The following RSPH14 variants were observed in gnomAD, a reference collection of about 807,000 sequenced individuals.
RSPH14 encodes the protein rhabdoid tumor deletion region gene 1.
A neutral mutation model predicts 26.7 loss-of-function variants in RSPH14; 20 were observed. That is an observed-to-expected ratio of 0.75 (90% CI 0.53 to 1.09). RSPH14 has a LOEUF of 1.09. Ranked by LOEUF, RSPH14 falls within the 50% of genes least tolerant of loss-of-function variation. The pLI is 0.00. For synonymous variants in RSPH14, 177 were observed against 189.3 expected, an observed-to-expected ratio of 0.93 and a Z score of 0.53; for missense variants, 449 against 457.2, an observed-to-expected ratio of 0.98 and a Z score of 0.16.
At chr22:23,109,924 G>C (rs955544995) in intron 4 of RSPH14, among the ~76,000 whole-genome samples, 2 of 152,214 alleles carry the variant, frequency 1.3e-5, no homozygotes, top group African/African-American at 4.8e-5. Flanking sequence ...GCCCTGTGCT[G>C]TCCCCGCAGA....
chr22:23,063,995 A>C lies in RSPH14; in HGVS notation c.560T>G (p.Leu187Arg). ...CAGGACAAGCACCACATTGCTGCCC[A>C]GGGCCTCGGTGGCATCCTCCTGCAG... Reference protein sequence around the residue: ...LCLQEDATEALGSNVVLVLKQ... With the variant: ...LCLQEDATEARGSNVVLVLKQ... The change falls in exon 5 of 7, where the codon CTG becomes CGG. Residue 187 changes from leucine to arginine, a missense_variant. Physicochemically the swap from Leu to Arg is moderately radical, Grantham distance 102. Coordinates refer to ENST00000216036, the MANE Select transcript of RSPH14 (RefSeq NM_014433.3). 1 of 1,614,166 alleles carries C rather than the reference A, an allele frequency of 6.2e-7. No individual in the cohort carries two copies. The highest frequency in any genetic ancestry group is 8.5e-7 in the Non-Finnish European group (1 of 1,180,000).
the RSPH14 span, chr22:23,150,268 C>A: frequency 7.4e-6 from 6 of 808,858 alleles, no homozygotes; most frequent in Non-Finnish European, 1.0e-5. Flanking sequence ...CAGCCCTGTA[C>A]AGGCCTGAAG....
intron 4 of RSPH14, among the ~76,000 whole-genome samples, chr22:23,098,671 C>CT (rs1365551735): frequency 6.6e-6 from 1 of 152,274 alleles, no homozygotes; most frequent in East Asian, 1.9e-4. Flanking sequence ...CCAAGCGAGG[C>CT]TGGAAATTCA....
intron 6 of RSPH14, among the ~76,000 whole-genome samples, chr22:23,061,059 C>T (rs1669076400): frequency 6.6e-6 from 1 of 152,162 alleles, no homozygotes; most frequent in Non-Finnish European, 1.5e-5. Flanking sequence ...CCCAACCTCT[C>T]CCATCTGCAT....
intron 4 of RSPH14, among the ~76,000 whole-genome samples, chr22:23,109,997 G>C (rs1445209871): frequency 6.6e-6 from 1 of 152,228 alleles, no homozygotes; most frequent in Admixed American, 6.5e-5. Context: ...TCTCCAATCT[G>C]TCAAGGTAGC....
At chr22:23,178,869 G>GA in the RSPH14 span, among the ~76,000 whole-genome samples, 1 of 152,242 alleles carries the variant, frequency 6.6e-6, no homozygotes, top group Non-Finnish European at 1.5e-5. Flanking sequence ...AGCAGGGAGT[G>GA]AAACAAAATC....
At chr22:23,159,482 G>A in the RSPH14 span, among the ~76,000 whole-genome samples, 2 of 152,230 alleles carry the variant, frequency 1.3e-5, no homozygotes, top group African/African-American at 4.8e-5. Flanking sequence ...CCTCACGGAT[G>A]GGGGAATAGT....
chr22:23,093,716 G>C (rs1366384282), intron 4 of RSPH14, among the ~76,000 whole-genome samples: 1 of 152,228 alleles, frequency 6.6e-6, no homozygotes, highest in African/African-American at 2.4e-5. Context: ...ACCTGGGAGA[G>C]GCAAGCAAGG....
chr22:23,108,195 T>TG (rs2069539900), intron 4 of RSPH14, among the ~76,000 whole-genome samples: 2 of 152,362 alleles, frequency 1.3e-5, no homozygotes, highest in African/African-American at 4.8e-5. Context: ...ACCAAACGCC[T>TG]GCAGCATGTG....
chr22:23,168,396 G>C, the RSPH14 span, among the ~76,000 whole-genome samples: 5 of 152,182 alleles, frequency 3.3e-5, no homozygotes, highest in Non-Finnish European at 7.4e-5. Flanking sequence ...ACATGTGGGG[G>C]GTTTCAGAGG....
In RSPH14 at chr22:23,135,319, A is replaced by C. The variant is rs986880618; in HGVS notation, c.303-1175T>G. 8.4e-3 allele frequency among the ~76,000 whole-genome samples: 313 copies of C among 37,130 alleles called. 1 individual carries two copies. The highest frequency in any genetic ancestry group is 9.5e-3 in the African/African-American group (109 of 11,528). 24.4% of individuals were successfully genotyped at this position (37,130 alleles called of 152,430 possible). A position where few individuals can be genotyped will look rare whatever the true frequency, so the allele number is the denominator to read the frequency against. On this transcript the variant is annotated intron_variant, in intron 3 of 6. Coordinates refer to ENST00000216036, the MANE Select transcript of RSPH14 (RefSeq NM_014433.3). ...AAACCCCGCCTGTACTAAAAATACAAAAAAAAAAAAAAAAAAAAAAAAATT... is the reference window on the plus strand; with the variant it reads ...AAACCCCGCCTGTACTAAAAATACACAAAAAAAAAAAAAAAAAAAAAAATT...
At chr22:23,145,528 C>A, upstream of RSPH14, 1 of 1,603,130 alleles carries the variant, frequency 6.2e-7, no homozygotes, top group Non-Finnish European at 8.5e-7. Flanking sequence ...CCGCGCGGAG[C>A]CCCAGCTTTC....
chr22:23,126,631 T>C (rs1406803942), intron 4 of RSPH14, among the ~76,000 whole-genome samples: 2 of 152,174 alleles, frequency 1.3e-5, no homozygotes, highest in Non-Finnish European at 2.9e-5. Context: ...CATGCTGAGC[T>C]GGGATGGTCC....
At chr22:23,155,862 A>C in the RSPH14 span, 1 of 1,009,430 alleles carries the variant, frequency 9.9e-7, no homozygotes, top group Admixed American at 2.9e-5. Context: ...TGCAGCTGGC[A>C]CAGGCCCTTA....
At chr22:23,132,987 T>C (rs1052775950) in intron 4 of RSPH14, 1 of 152,170 alleles carries the variant, frequency 6.6e-6, no homozygotes, top group African/African-American at 2.4e-5. Context: ...TTTAGCCTCT[T>C]GGGTAGCTGG....
chr22:23,180,657 G>GAGTCTGGCGGC, the RSPH14 span: 1 of 155,854 alleles, frequency 6.4e-6, no homozygotes, highest in Non-Finnish European at 1.4e-5. Context: ...GCCGTGGCCA[G>GAGTCTGGCGGC]AGTCTGGCGG....
chr22:23,136,134 A>T (rs2070478679), intron 3 of RSPH14: 1 of 632,708 alleles, frequency 1.6e-6, no homozygotes, highest in Non-Finnish European at 2.9e-6. Context: ...CACCCACTCC[A>T]TGTCTCTCAT....
At chr22:23,078,330 C>T (rs541689815) in intron 4 of RSPH14, among the ~76,000 whole-genome samples, 2 of 152,344 alleles carry the variant, frequency 1.3e-5, no homozygotes, top group African/African-American at 4.8e-5. Context: ...CAGTGCCAGG[C>T]ATTGATTTCC....
intron 1 of RSPH14, among the ~76,000 whole-genome samples, chr22:23,141,712 G>C (rs1399719553): frequency 6.6e-6 from 1 of 152,272 alleles, no homozygotes; most frequent in African/African-American, 2.4e-5. Context: ...GACAACGGTA[G>C]AAGTGGGGGC....
Sources: allele counts gnomAD v4.1 joint callset (sites outside exome capture counted in the v4.1 genomes callset), GRCh38; gene constraint gnomAD v4.1.1; transcripts MANE v1.5; gene names NCBI Gene and HGNC (gene_info 2026-07-23, HGNC 2026-07-21).